The following KIAA1958 variants were observed in gnomAD, a reference collection of about 807,000 sequenced individuals.
The protein encoded by KIAA1958 is KIAA1958.
A neutral mutation model predicts 47.2 loss-of-function variants in KIAA1958; 14 were observed. The observed-to-expected ratio is 0.30, with a 90% CI of 0.20 to 0.46. The LOEUF (loss-of-function observed/expected upper bound fraction) is 0.46, where lower values mean the gene tolerates loss of function less well. KIAA1958 is among the 20% of genes least tolerant of loss of function. The pLI, the probability that KIAA1958 is intolerant of heterozygous loss-of-function variation, is 1.00. For missense variants in KIAA1958, 803 were observed against 909.2 expected, an observed-to-expected ratio of 0.88 and a Z score of 1.50; for synonymous variants, 354 against 353.3, an observed-to-expected ratio of 1.00 and a Z score of -0.02.
chr9:112,500,391 G>C (rs1049033090), intron 1 of KIAA1958, among the ~76,000 whole-genome samples: 1 of 151,994 alleles, frequency 6.6e-6, no homozygotes, highest in Non-Finnish European at 1.5e-5. Context: ...AAAACACCAC[G>C]CCTGGCTTTA....
chr9:112,613,514 T>G (rs1479835905), intron 2 of KIAA1958, among the ~76,000 whole-genome samples: 1 of 152,208 alleles, frequency 6.6e-6, no homozygotes, highest in Non-Finnish European at 1.5e-5. Flanking sequence ...TTAGGAATTC[T>G]TGTTTATTAA....
In KIAA1958 at chr9:112,659,832, C is replaced by T. The variant is rs1837241952; in HGVS notation, c.1914C>T (p.Tyr638=). ...ACTGCCTCCTCTACAAGTACATGTACATCCACCGGCCGCCCACCCAAATGG... is the reference window on the plus strand; with the variant it reads ...ACTGCCTCCTCTACAAGTACATGTATATCCACCGGCCGCCCACCCAAATGG... The part of the protein sequence containing the change: ...CPYCLLYKYM[Y]IHRPPTQMEA... The change falls in exon 4 of 4, where the codon TAC becomes TAT. Residue 638 remains tyrosine (Y), a synonymous_variant. Coordinates refer to ENST00000337530, the MANE Select transcript of KIAA1958 (RefSeq NM_133465.4). 2 of 1,614,170 alleles carry T rather than the reference C, an allele frequency of 1.2e-6. No individual in the cohort carries two copies. The highest frequency in any genetic ancestry group is 2.2e-5 in the East Asian group (1 of 44,882).
At chr9:112,625,067 T>G (rs774999679) in intron 2 of KIAA1958, among the ~76,000 whole-genome samples, 2 of 152,204 alleles carry the variant, frequency 1.3e-5, no homozygotes, top group Non-Finnish European at 2.9e-5. Context: ...ACTGAGCTGC[T>G]GTTCCCTCTG....
At chr9:112,571,576 G>C (rs1177143590) in intron 1 of KIAA1958, among the ~76,000 whole-genome samples, 1 of 152,100 alleles carries the variant, frequency 6.6e-6, no homozygotes, top group Non-Finnish European at 1.5e-5. Flanking sequence ...TGGACTCTCT[G>C]TGAGGAGTAA....
Position 112,602,214 on chromosome 9 carries a change from G to C in KIAA1958, c.1171+26963G>C, listed in dbSNP as rs189825125. Among the ~76,000 whole-genome samples, 854 of 152,214 alleles carry C rather than the reference G, an allele frequency of 5.6e-3. 4 individuals are homozygous for C. The highest frequency in any genetic ancestry group is 9.9e-3 in the Non-Finnish European group (675 of 67,986). ...ATTTTCCACTTTTAAAGTAAATATA[G>C]CTTACTGGGTTTTTTCCCCCAAAAG... On this transcript the variant is annotated intron_variant, in intron 2 of 3. Transcript: ENST00000337530.
chr9:112,489,477 T>TTG (rs1371933602), intron 1 of KIAA1958, among the ~76,000 whole-genome samples: 6 of 151,034 alleles, frequency 4.0e-5, no homozygotes, highest in Admixed American at 6.6e-5. Flanking sequence ...TTTTTGTGTT[T>TTG]TTTTTTTTTT....
At position 112,489,091 on chromosome 9, in the gene KIAA1958, G is replaced by A. The variant is rs531803501; in HGVS notation, c.-25+1973G>A. The stretch of plus-strand genomic sequence containing the variant: ...TGTGGCTCTGGTAGGCCCTTGACTA[G>A]CGTTCCTTGTCCCTCTCCATTCCTA... On this transcript the variant is annotated intron_variant, in intron 1 of 3. Coordinates refer to ENST00000337530, the MANE Select transcript of KIAA1958 (RefSeq NM_133465.4). 3.1e-4 allele frequency among the ~76,000 whole-genome samples: 47 copies of A among 152,320 alleles called. 2 individuals carry two copies. The South Asian group carries it at 8.3e-3, about 27-fold the overall frequency.
At chr9:112,554,839 C>G (rs1209531461) in intron 1 of KIAA1958, among the ~76,000 whole-genome samples, 1 of 152,150 alleles carries the variant, frequency 6.6e-6, no homozygotes, top group African/African-American at 2.4e-5. Context: ...ACTGTACAGC[C>G]TGATTTGGAG....
chr9:112,549,254 G>A (rs570312249), intron 1 of KIAA1958, among the ~76,000 whole-genome samples: 22 of 152,254 alleles, frequency 1.4e-4, no homozygotes, highest in African/African-American at 5.1e-4. Context: ...TTGTGGAAAA[G>A]GACTGTAACA....
At position 112,493,217 on chromosome 9, in the gene KIAA1958, A is replaced by G. The variant is rs1033803841; in HGVS notation, c.-25+6099A>G. ...CTGCTCTCATGGTAAGTTATGCACT[A>G]TTTGTTCTTTTCACGCATGTCTGAT... On this transcript the variant is annotated intron_variant, in intron 1 of 3. Transcript: ENST00000337530. Among the ~76,000 whole-genome samples the G allele has an allele frequency of 3.3e-5, 5 of 150,480 alleles. 1 individual carries two copies. Among genetic ancestry groups the G allele is most frequent in the Admixed American group, 3.3e-4 (5 of 15,108 alleles).
rs1334079017 is a variant in KIAA1958 at position 112,665,880 on chromosome 9, C to T, written c.*5811C>T. On this transcript the variant is annotated 3_prime_UTR_variant, in exon 4 of 4. Transcript: ENST00000337530. ...TCACTGCTTAAAAAGTAAAGGAGTTCCTAACTTACGCAACAATTACATGCT... is the reference window on the plus strand; with the variant it reads ...TCACTGCTTAAAAAGTAAAGGAGTTTCTAACTTACGCAACAATTACATGCT... The T allele has an allele frequency of 6.6e-6, 1 of 152,170 alleles. No individual in the cohort carries two copies. Among genetic ancestry groups the T allele is most frequent in the Non-Finnish European group, 1.5e-5 (1 of 68,042 alleles). 9.4% of individuals were successfully genotyped at this position (152,170 alleles called of 1,614,324 possible).
intron 2 of KIAA1958, among the ~76,000 whole-genome samples, chr9:112,596,252 C>T (rs1307866630): frequency 3.3e-5 from 5 of 152,096 alleles, no homozygotes; most frequent in African/African-American, 1.2e-4. Flanking sequence ...CTAGAGTATA[C>T]TGTTTCTATG....
At chr9:112,614,314 C>G (rs753621534) in intron 2 of KIAA1958, among the ~76,000 whole-genome samples, 6 of 152,016 alleles carry the variant, frequency 3.9e-5, no homozygotes, top group Non-Finnish European at 8.8e-5. Context: ...TGGTGATATT[C>G]TTTTTCTTAA....
At chr9:112,543,874 A>G (rs1834985845) in intron 1 of KIAA1958, among the ~76,000 whole-genome samples, 3 of 152,090 alleles carry the variant, frequency 2.0e-5, no homozygotes, top group Non-Finnish European at 2.9e-5. Flanking sequence ...TGTCCAATTT[A>G]TATTTGCTGT....
intron 2 of KIAA1958, among the ~76,000 whole-genome samples, chr9:112,620,619 A>G (rs1289038209): frequency 1.3e-5 from 2 of 152,194 alleles, no homozygotes; most frequent in African/African-American, 2.4e-5. Flanking sequence ...TTTCCTCCAT[A>G]GAGAAATATT....
Position 112,665,871 on chromosome 9 carries a change from A to G in KIAA1958, c.*5802A>G, listed in dbSNP as rs1269931847. On this transcript the variant is annotated 3_prime_UTR_variant, in exon 4 of 4. Transcript: ENST00000337530. ...ACATTGGACTCACTGCTTAAAAAGT[A>G]AAGGAGTTCCTAACTTACGCAACAA... 6.6e-6 allele frequency: 1 copy of G among 152,252 alleles called. No individual in the cohort carries two copies. Among genetic ancestry groups the G allele is most frequent in the Non-Finnish European group, 1.5e-5 (1 of 68,040 alleles). The allele number at this position is 152,252 out of a possible 1,614,324, so 9.4% of individuals were successfully genotyped here. A position where few individuals can be genotyped will look rare whatever the true frequency, so the allele number is the denominator to read the frequency against.
intron 1 of KIAA1958, among the ~76,000 whole-genome samples, chr9:112,535,651 C>G (rs375186506): frequency 2.6e-5 from 4 of 152,070 alleles, no homozygotes; most frequent in Non-Finnish European, 5.9e-5. Context: ...TTTTTTCATA[C>G]TCTTTTCCAT....
At chr9:112,647,618 A>G (rs2131244890) in intron 3 of KIAA1958, among the ~76,000 whole-genome samples, 1 of 152,368 alleles carries the variant, frequency 6.6e-6, no homozygotes, top group African/African-American at 2.4e-5. Context: ...ACAATATACT[A>G]ATCACAGTAA....
At chr9:112,524,068 C>T (rs992549173) in intron 1 of KIAA1958, among the ~76,000 whole-genome samples, 1 of 152,186 alleles carries the variant, frequency 6.6e-6, no homozygotes, top group Non-Finnish European at 1.5e-5. Flanking sequence ...TAACCATTTC[C>T]CATCTATATC....
Sources: allele counts gnomAD v4.1 joint callset (sites outside exome capture counted in the v4.1 genomes callset), GRCh38; gene constraint gnomAD v4.1.1; transcripts MANE v1.5; gene names NCBI Gene and HGNC (gene_info 2026-07-23, HGNC 2026-07-21).